KCNN2: variants seen among roughly 807,000 people sequenced by gnomAD.
KCNN2 encodes the protein small conductance calcium-activated potassium channel protein 2.
Under a neutral mutation model 55.5 loss-of-function variants are expected in KCNN2, and 24 were observed. The observed-to-expected ratio is 0.43, with a 90% CI of 0.31 to 0.61. The LOEUF (loss-of-function observed/expected upper bound fraction) is 0.61, where lower values mean the gene tolerates loss of function less well. Ranked by LOEUF, KCNN2 falls within the 20% of genes least tolerant of loss-of-function variation. The probability of loss-of-function intolerance (pLI) is 0.08; values close to 1 mark genes in which losing one functional copy is unlikely to be tolerated. For synonymous variants in KCNN2, 431 were observed against 336.1 expected, an observed-to-expected ratio of 1.28 and a Z score of -3.09; for missense variants, 754 against 853.6, an observed-to-expected ratio of 0.88 and a Z score of 1.45.
intron 2 of KCNN2, among the ~76,000 whole-genome samples, chr5:114,357,045 C>A (rs989997701): frequency 6.6e-6 from 1 of 151,994 alleles, no homozygotes; most frequent in African/African-American, 2.4e-5. Context: ...AAAAATAATT[C>A]TCAGAAAAAC....
At chr5:114,263,360 T>C (rs991343341) in intron 2 of KCNN2, among the ~76,000 whole-genome samples, 53 of 152,106 alleles carry the variant, frequency 3.5e-4, no homozygotes, top group Admixed American at 1.5e-3. Flanking sequence ...TTATAAGATT[T>C]GAACTCAGAA....
intron 1 of KCNN2, among the ~76,000 whole-genome samples, chr5:114,174,039 A>T (rs1222695524): frequency 1.3e-5 from 2 of 152,114 alleles, no homozygotes; most frequent in Non-Finnish European, 2.9e-5. Flanking sequence ...TTCACAAATA[A>T]ATTCTAAATG....
chr5:114,143,567 C>A (rs1027296295), intron 1 of KCNN2, among the ~76,000 whole-genome samples: 1 of 152,138 alleles, frequency 6.6e-6, no homozygotes, highest in African/African-American at 2.4e-5. Flanking sequence ...TATAGGCTCT[C>A]CACAAGGGTC....
At chr5:114,288,501 C>T (rs199894588) in intron 2 of KCNN2, among the ~76,000 whole-genome samples, 1,563 of 114,418 alleles carry the variant, frequency 0.014, 31 homozygotes, top group African/African-American at 0.07. Context: ...TATATATATA[C>T]ACACACACAC....
At chr5:114,240,612 A>G (rs749828065) in intron 2 of KCNN2, among the ~76,000 whole-genome samples, 6 of 151,930 alleles carry the variant, frequency 3.9e-5, no homozygotes, top group African/African-American at 7.3e-5. Flanking sequence ...TTGTATTTTT[A>G]GTAAAGACGG....
At chr5:114,104,189 C>G (rs1751432965) in intron 1 of KCNN2, among the ~76,000 whole-genome samples, 1 of 152,180 alleles carries the variant, frequency 6.6e-6, no homozygotes, top group South Asian at 2.1e-4. Context: ...TCCATTTCTT[C>G]TAGATTTTCT....
intron 3 of KCNN2, among the ~76,000 whole-genome samples, chr5:114,438,936 G>A (rs1380479): frequency 1 from 151,680 of 152,356 alleles, 75,505 homozygotes; most frequent in Middle Eastern, 1. Flanking sequence ...AACTTTCTGT[G>A]GTGTCATTAT....
intron 1 of KCNN2, among the ~76,000 whole-genome samples, chr5:114,061,334 G>A (rs942440626): frequency 1.3e-5 from 2 of 152,136 alleles, no homozygotes; most frequent in African/African-American, 4.8e-5. Flanking sequence ...ATAGTAATAT[G>A]GTGGTCCCTT....
intron 2 of KCNN2, among the ~76,000 whole-genome samples, chr5:114,320,564 A>G (rs1330486180): frequency 6.6e-6 from 1 of 151,598 alleles, no homozygotes; most frequent in Non-Finnish European, 1.5e-5. Context: ...CAGTGAGCCG[A>G]GATCGCGCCA....
intron 1 of KCNN2, among the ~76,000 whole-genome samples, chr5:114,074,334 G>A (rs1038452302): frequency 1.3e-5 from 2 of 149,832 alleles, no homozygotes; most frequent in South Asian, 2.1e-4. Context: ...GTGTGTGCGC[G>A]CGCGCGCCAG....
At chr5:114,274,767 C>A (rs1171016089) in intron 2 of KCNN2, among the ~76,000 whole-genome samples, 1 of 152,182 alleles carries the variant, frequency 6.6e-6, no homozygotes, top group Non-Finnish European at 1.5e-5. Context: ...AATATACTAT[C>A]ATGTCATCTG....
intron 1 of KCNN2, among the ~76,000 whole-genome samples, chr5:114,112,968 G>A (rs1450815624): frequency 1.3e-5 from 2 of 152,034 alleles, no homozygotes; most frequent in African/African-American, 4.8e-5. Context: ...TAATCAAATA[G>A]CCAGAGTCTG....
Position 114,362,623 on chromosome 5 carries a change from A to C in KCNN2, c.484A>C (p.Ser162Arg). Residue 162 changes from serine to arginine, a missense_variant, in exon 1 of 8, where the codon AGC (serine) becomes CGC (arginine). Transcript: ENST00000673685. ...CGCCTCCCAGTACCACCAGTGCCACAGCCTGCAGCCCGCCGCCAGCCCCAC... is the reference window on the plus strand; with the variant it reads ...CGCCTCCCAGTACCACCAGTGCCACCGCCTGCAGCCCGCCGCCAGCCCCAC... ...ASASQYHQCH[S>R]LQPAASPTGS... 9.4e-7 allele frequency: 1 copy of C among 1,062,544 alleles called. No individual in the cohort carries two copies. 65.8% of individuals were successfully genotyped at this position (1,062,544 alleles called of 1,614,324 possible). A position where few individuals can be genotyped will look rare whatever the true frequency, so the allele number is the denominator to read the frequency against.
intron 2 of KCNN2, among the ~76,000 whole-genome samples, chr5:114,280,056 A>G (rs1184531797): frequency 6.6e-6 from 1 of 152,128 alleles, no homozygotes; most frequent in African/African-American, 2.4e-5. Context: ...GCCAGTGATG[A>G]TGAGCATTTT....
Position 114,404,295 on chromosome 5 carries a change from A to G in KCNN2, c.1219-143A>G, listed in dbSNP as rs1285700023. ...ACCAATACCCTTTACTAAAAATAGT[A>G]TACCTGGCTAGCATTTAAAAGTTAT... is the stretch of plus-strand genomic sequence containing the variant. On this transcript the variant is annotated intron_variant, in intron 2 of 7. Coordinates refer to ENST00000673685, the MANE Select transcript of KCNN2 (RefSeq NM_021614.4). The G allele has an allele frequency of 1.4e-5, 9 of 635,408 alleles. No individual in the cohort carries two copies. The East Asian group carries it at 2.2e-4, about 15-fold the overall frequency. 39.4% of individuals were successfully genotyped at this position (635,408 alleles called of 1,614,324 possible).
intron 1 of KCNN2, among the ~76,000 whole-genome samples, chr5:114,116,751 C>G (rs1751715537): frequency 6.6e-6 from 1 of 152,098 alleles, no homozygotes; most frequent in African/African-American, 2.4e-5. Flanking sequence ...TGGCCATCAT[C>G]CATTTTTGAT....
intron 3 of KCNN2, among the ~76,000 whole-genome samples, chr5:114,436,884 A>C (rs1361480554): frequency 2.0e-5 from 3 of 152,232 alleles, no homozygotes; most frequent in Non-Finnish European, 4.4e-5. Flanking sequence ...GAGCCTCTGA[A>C]ATGTGGCTGG....
intron 2 of KCNN2, among the ~76,000 whole-genome samples, chr5:114,229,128 T>C (rs1206709616): frequency 6.6e-6 from 1 of 151,898 alleles, no homozygotes; most frequent in Non-Finnish European, 1.5e-5. Context: ...TTGATTACTT[T>C]TCAGAACTTT....
At chr5:114,115,449 A>G (rs78095738) in intron 1 of KCNN2, among the ~76,000 whole-genome samples, 1 of 152,066 alleles carries the variant, frequency 6.6e-6, no homozygotes, top group Non-Finnish European at 1.5e-5. Context: ...ATTTGATTAT[A>G]TAAGGCTGAT....
Sources: gnomAD v4.1 joint callset for allele counts (sites outside exome capture counted in the v4.1 genomes callset) on GRCh38, gnomAD v4.1.1 for gene constraint, MANE v1.5 for transcripts, NCBI Gene and HGNC (gene_info 2026-07-23, HGNC 2026-07-21) for gene names.